AMOT: variants seen among roughly 807,000 people sequenced by gnomAD.
AMOT encodes angiomotin.
In AMOT, 11 loss-of-function variants were observed where a neutral mutation model predicts 67.0. The observed-to-expected ratio is 0.16, with a 90% CI of 0.10 to 0.27. The LOEUF (loss-of-function observed/expected upper bound fraction) is 0.27, where lower values mean the gene tolerates loss of function less well. Among genes scored for constraint, AMOT ranks in the 10% least tolerant of loss-of-function variants. AMOT has a pLI of 1.00. For missense variants in AMOT, 753 were observed against 852.0 expected (o/e 0.88, Z 1.45); for synonymous variants, 326 against 321.4 (o/e 1.01, Z -0.15).
At chrX:112,784,637 C>T (rs1338961098) in intron 10 of AMOT, among the ~76,000 whole-genome samples, 2 of 111,408 alleles carry the variant, frequency 1.8e-5, no homozygotes, top group Non-Finnish European at 3.8e-5. Flanking sequence ...AGAGCGAGAG[C>T]GAGAGAGAAT....
chrX:112,798,333 A>G (rs1164984003), intron 8 of AMOT, among the ~76,000 whole-genome samples: 1 of 112,586 alleles, frequency 8.9e-6, no homozygotes. Flanking sequence ...TCTATTAAGC[A>G]GTCATTTTTT....
intron 8 of AMOT, among the ~76,000 whole-genome samples, chrX:112,797,950 A>G (rs1933890899): frequency 8.9e-6 from 1 of 111,737 alleles, no homozygotes; most frequent in Non-Finnish European, 1.9e-5. Flanking sequence ...TACTGCTAGC[A>G]CACCCATTCA....
chrX:112,794,685 T>C (rs180701818), intron 8 of AMOT, among the ~76,000 whole-genome samples: 1 of 112,527 alleles, frequency 8.9e-6, no homozygotes. Context: ...ATCTTGAACA[T>C]TATGTGCTTC....
chrX:112,779,425 G>T lies in AMOT; in HGVS notation c.2729C>A (p.Ala910Asp). 8.6e-7 allele frequency: 1 copy of T among 1,168,373 alleles called. No homozygotes were observed. The highest frequency in any genetic ancestry group is 3.1e-5 in the East Asian group (1 of 32,201). The change falls in exon 13 of 14, where the codon GCT becomes GAT. Residue 910 changes from alanine (A) to aspartate (D), a missense_variant. By Grantham distance (126) the Ala-to-Asp change is moderately radical. Coordinates refer to ENST00000371959, the MANE Select transcript of AMOT (RefSeq NM_001113490.2). ...AGCAGCAGCAACAGCAACTGGAGCA[G>T]CAGCTACCATGGTGGTGGTGATGGT... is the stretch of plus-strand genomic sequence containing the variant. ...AATITTTMVA[A>D]APVAVAAAAA...
At chrX:112,833,126 A>T (rs889782693) in intron 1 of AMOT, among the ~76,000 whole-genome samples, 2 of 111,899 alleles carry the variant, frequency 1.8e-5, no homozygotes, top group African/African-American at 6.5e-5. Flanking sequence ...CCGTGGGCAC[A>T]GCATATGGGA....
In AMOT at chrX:112,774,903, G is replaced by A. The variant is rs1382476965; in HGVS notation, c.*3664C>T. 8.9e-6 allele frequency: 1 copy of A among 112,367 alleles called. No homozygotes were observed. Among genetic ancestry groups the A allele is most frequent in the Non-Finnish European group, 1.9e-5 (1 of 53,305 alleles). 9.3% of individuals were successfully genotyped at this position (112,367 alleles called of 1,213,427 possible). A position where few individuals can be genotyped will look rare whatever the true frequency, so the allele number is the denominator to read the frequency against. ...GCATTTTAAAATAGCTAACTTTATT[G>A]TCAGTGAAAAGATAGGCACAAAGTG... On this transcript the variant is annotated 3_prime_UTR_variant, in exon 14 of 14. Transcript: ENST00000371959.
chrX:112,803,463 A>G (rs1934076507), intron 8 of AMOT, among the ~76,000 whole-genome samples: 1 of 112,508 alleles, frequency 8.9e-6, no homozygotes, highest in Non-Finnish European at 1.9e-5. Flanking sequence ...AAACCTAGAC[A>G]TCAGGTAAGT....
At chrX:112,816,276 G>A (rs903996673) in intron 4 of AMOT, among the ~76,000 whole-genome samples, 21 of 111,113 alleles carry the variant, frequency 1.9e-4, no homozygotes, top group South Asian at 7.7e-4. Context: ...CATTATACAC[G>A]TGGTCCAGCA....
At chrX:112,794,891 T>C (rs1012041331) in intron 8 of AMOT, among the ~76,000 whole-genome samples, 3 of 111,825 alleles carry the variant, frequency 2.7e-5, no homozygotes, top group Non-Finnish European at 5.6e-5. Context: ...ATCCTTGACA[T>C]GGCTATCATT....
Position 112,779,203 on chromosome X carries a change from AGAGCCGGAGCTGGAACTG to A in AMOT, c.2933_2950del (p.Pro978_Ala983del), listed in dbSNP as rs1238095970. 2.4e-5 allele frequency: 18 copies of A among 751,285 alleles called. No individual in the cohort carries two copies. The highest frequency in any genetic ancestry group is 6.2e-5 in the African/African-American group (3 of 48,266). The allele number at this position is 751,285 out of a possible 1,213,427, so 61.9% of individuals were successfully genotyped here. On this transcript the variant is annotated inframe_deletion, in exon 13 of 14. Coordinates refer to ENST00000371959, the MANE Select transcript of AMOT (RefSeq NM_001113490.2). ...CGCTGCTGGAGCTGGAACCGGAACC[AGAGCCGGAGCTGGAACTG>A]GAGCCGGAGCAGCTGGAGCAACCTG...
rs1934119102 is a variant in AMOT at position 112,804,825 on chromosome X, G to A, written c.1776+122C>T. On this transcript the variant is annotated intron_variant, in intron 8 of 13. Coordinates refer to ENST00000371959, the MANE Select transcript of AMOT (RefSeq NM_001113490.2). ...ATCAGCACAGTGGAAACTAGGAGCA[G>A]CAGATGGCACCTCCCTTCTGGGGAT... is the stretch of plus-strand genomic sequence containing the variant. 5.2e-6 allele frequency: 5 copies of A among 968,694 alleles called. No individual in the cohort carries two copies. The Admixed American group carries it at 8.0e-5, about 16-fold the overall frequency. 79.8% of individuals were successfully genotyped at this position (968,694 alleles called of 1,213,427 possible).
At chrX:112,834,127 A>G (rs776933586) in intron 1 of AMOT, among the ~76,000 whole-genome samples, 4 of 111,932 alleles carry the variant, frequency 3.6e-5, no homozygotes, top group Non-Finnish European at 7.5e-5. Context: ...AATGCTGTTA[A>G]CACTCAGGCC....
intron 1 of AMOT, among the ~76,000 whole-genome samples, chrX:112,832,646 C>G (rs1935020807): frequency 8.9e-6 from 1 of 112,214 alleles, no homozygotes. Flanking sequence ...CTAACAGTAT[C>G]TTGAGCAAGT....
At chrX:112,824,773 G>A (rs1219517872) in intron 3 of AMOT, among the ~76,000 whole-genome samples, 1 of 111,445 alleles carries the variant, frequency 9.0e-6, no homozygotes, top group African/African-American at 3.3e-5. Flanking sequence ...CTGATAGGCT[G>A]ACAAGCATAA....
At chrX:112,840,296 C>A (rs1935260272) in intron 1 of AMOT, among the ~76,000 whole-genome samples, 156 bp downstream of exon 1, 1 of 111,747 alleles carries the variant, frequency 8.9e-6, no homozygotes, top group Non-Finnish European at 1.9e-5. Context: ...TGCTGCACAT[C>A]CAAAAAAACT....
At chrX:112,812,113 A>T (rs930982545) in intron 5 of AMOT, among the ~76,000 whole-genome samples, 1 of 112,225 alleles carries the variant, frequency 8.9e-6, no homozygotes, top group Non-Finnish European at 1.9e-5. Context: ...TAAAGTACAG[A>T]CAAGGAAGAA....
At chrX:112,793,256 T>C (rs899902260) in intron 8 of AMOT, among the ~76,000 whole-genome samples, 21 of 111,439 alleles carry the variant, frequency 1.9e-4, no homozygotes, top group African/African-American at 6.8e-4. Context: ...TATGAAAATA[T>C]TCTTGATAAT....
In AMOT at chrX:112,790,676, A is replaced by G. The variant is rs771660459; in HGVS notation, c.2033T>C (p.Met678Thr). The G allele has an allele frequency of 2.6e-5, 32 of 1,209,385 alleles. No individual in the cohort carries two copies. The highest frequency in any genetic ancestry group is 3.5e-5 in the Non-Finnish European group (31 of 894,961). Residue 678 changes from methionine to threonine, a missense_variant, in exon 10 of 14, where the codon ATG (methionine) becomes ACG (threonine). Met to Thr is a moderately conservative substitution (Grantham distance 81). Coordinates refer to ENST00000371959, the MANE Select transcript of AMOT (RefSeq NM_001113490.2). ...EERILALEAD[M>T]TKWEQKYLEE... ...CAAATATTTCTGCTCCCACTTTGTC[A>G]TATCAGCTTCCAGAGCCAGAATCCT...
At chrX:112,810,158 G>A (rs1237528696) in intron 6 of AMOT, among the ~76,000 whole-genome samples, 172 bp from the exon 7 acceptor site, 1 of 111,749 alleles carries the variant, frequency 8.9e-6, no homozygotes, top group Non-Finnish European at 1.9e-5. Flanking sequence ...ACTAGACCAT[G>A]GCCGGGGAGG....
Sources: gnomAD v4.1 joint callset for allele counts (sites outside exome capture counted in the v4.1 genomes callset) on GRCh38, gnomAD v4.1.1 for gene constraint, MANE v1.5 for transcripts, NCBI Gene and HGNC (gene_info 2026-07-23, HGNC 2026-07-21) for gene names.